Variants in SAMD12 observed in about 807,000 individuals in gnomAD.
SAMD12 encodes sterile alpha motif domain containing 12, also known as sterile alpha motif domain-containing protein 12.
In SAMD12, 9 loss-of-function variants were observed where a neutral mutation model predicts 15.0. The observed-to-expected ratio is 0.60, with a 90% CI of 0.36 to 1.05. The LOEUF is 1.05. Ranked by LOEUF, SAMD12 falls within the 50% of genes least tolerant of loss-of-function variation. SAMD12 has a pLI of 0.01. For synonymous variants in SAMD12, 86 were observed against 90.1 expected (o/e 0.96, Z 0.25); for missense variants, 230 against 234.2 (o/e 0.98, Z 0.12).
At chr8:118,460,554 G>A (rs897087730) in intron 2 of SAMD12, among the ~76,000 whole-genome samples, 1 of 152,176 alleles carries the variant, frequency 6.6e-6, no homozygotes, top group African/African-American at 2.4e-5. Context: ...ATGCAGACAT[G>A]GAATCAGGGA....
At chr8:118,573,517 T>C (rs1827075699) in intron 2 of SAMD12, among the ~76,000 whole-genome samples, 1 of 152,246 alleles carries the variant, frequency 6.6e-6, no homozygotes, top group Non-Finnish European at 1.5e-5. Context: ...TCTTTCACAA[T>C]GAATCTAAGT....
In SAMD12 at chr8:118,286,417, A is replaced by G. The variant is rs1228762356; in HGVS notation, c.434-88685T>C. On this transcript the variant is annotated intron_variant, in intron 4 of 4. Coordinates refer to the SAMD12 transcript ENST00000409003. ...TGTTGGGTCTTGTTCATCTCTGAGCATGGTTTGTTTCCTGTTTCTCAGCAA... is the reference window on the plus strand; with the variant it reads ...TGTTGGGTCTTGTTCATCTCTGAGCGTGGTTTGTTTCCTGTTTCTCAGCAA... Among the ~76,000 whole-genome samples, 4 of 152,034 alleles carry G rather than the reference A, an allele frequency of 2.6e-5. No individual in the cohort carries two copies. The East Asian group carries it at 7.7e-4, about 29-fold the overall frequency.
At chr8:118,507,130 C>T (rs1355188559) in intron 2 of SAMD12, among the ~76,000 whole-genome samples, 3 of 152,032 alleles carry the variant, frequency 2.0e-5, no homozygotes, top group Non-Finnish European at 1.5e-5. Flanking sequence ...ATGAATTCTA[C>T]AACGCAGTCA....
intron 3 of SAMD12, among the ~76,000 whole-genome samples, chr8:118,437,649 C>G (rs896540217): frequency 1.3e-5 from 2 of 152,106 alleles, no homozygotes; most frequent in African/African-American, 4.8e-5. Context: ...TGCCCAAGAT[C>G]CCAAGAAAGT....
chr8:118,161,338 C>A, the SAMD12 span, among the ~76,000 whole-genome samples: 1 of 152,056 alleles, frequency 6.6e-6, no homozygotes, highest in African/African-American at 2.4e-5. Flanking sequence ...AATCCCAGCA[C>A]TTTGGGAGGC....
chr8:118,197,533 G>C (rs1379163202), exon 5 of SAMD12: 2 of 680,678 alleles, frequency 2.9e-6, no homozygotes, highest in African/African-American at 3.6e-5. Flanking sequence ...CCACAGCAAA[G>C]CAAGATTTTT....
intron 3 of SAMD12, among the ~76,000 whole-genome samples, chr8:118,391,857 T>G (rs74411719): frequency 0.015 from 2,339 of 151,930 alleles, 53 homozygotes; most frequent in African/African-American, 0.051. Context: ...CAGCAGGTAT[T>G]AAACAGCTAC....
chr8:118,475,301 C>T (rs903001094), intron 2 of SAMD12, among the ~76,000 whole-genome samples: 4 of 152,156 alleles, frequency 2.6e-5, no homozygotes, highest in Admixed American at 1.3e-4. Flanking sequence ...TGCTGTCTCT[C>T]TCACGATGTG....
intron 4 of SAMD12, among the ~76,000 whole-genome samples, chr8:118,367,868 T>C (rs773541075): frequency 9.2e-5 from 14 of 152,302 alleles, no homozygotes; most frequent in Admixed American, 4.6e-4. Flanking sequence ...TTTTCTACCA[T>C]GAACAATGTA....
At chr8:118,205,983 C>T (rs912595595) in intron 4 of SAMD12, among the ~76,000 whole-genome samples, 2 of 152,204 alleles carry the variant, frequency 1.3e-5, no homozygotes, top group African/African-American at 2.4e-5. Flanking sequence ...TAGTCTACTA[C>T]ACTGTGAGCC....
intron 4 of SAMD12, among the ~76,000 whole-genome samples, chr8:118,312,682 A>G (rs1029356657): frequency 6.6e-6 from 1 of 152,162 alleles, no homozygotes; most frequent in African/African-American, 2.4e-5. Flanking sequence ...GGCTCTCTGT[A>G]TTTTTAATGT....
intron 3 of SAMD12, among the ~76,000 whole-genome samples, chr8:118,386,106 T>C (rs1819941560): frequency 6.6e-6 from 1 of 152,216 alleles, no homozygotes; most frequent in African/African-American, 2.4e-5. Flanking sequence ...ATTCATTTCC[T>C]ATGGTTGCCA....
At chr8:118,241,298 C>T (rs946544087) in intron 4 of SAMD12, among the ~76,000 whole-genome samples, 1 of 152,038 alleles carries the variant, frequency 6.6e-6, no homozygotes, top group Non-Finnish European at 1.5e-5. Flanking sequence ...AAATGGCTTA[C>T]CTTGAAAACC....
At chr8:118,235,230 T>C (rs946409726) in intron 4 of SAMD12, among the ~76,000 whole-genome samples, 2 of 151,214 alleles carry the variant, frequency 1.3e-5, no homozygotes, top group African/African-American at 4.9e-5. Flanking sequence ...TTTTTTTTTT[T>C]AGACGGAGTC....
chr8:118,396,686 CT>C (rs1820587162), intron 3 of SAMD12, among the ~76,000 whole-genome samples: 1 of 152,196 alleles, frequency 6.6e-6, no homozygotes, highest in African/African-American at 2.4e-5. Flanking sequence ...AAGAACCATG[CT>C]ACTTCTACTT....
chr8:118,309,812 T>C (rs1386447802), intron 4 of SAMD12, among the ~76,000 whole-genome samples: 7 of 152,312 alleles, frequency 4.6e-5, no homozygotes, highest in African/African-American at 1.4e-4. Flanking sequence ...TCCCATATTT[T>C]CTGTCTTGTG....
At chr8:118,458,512 G>A (rs566373374) in intron 2 of SAMD12, among the ~76,000 whole-genome samples, 5 of 152,262 alleles carry the variant, frequency 3.3e-5, no homozygotes, top group African/African-American at 1.2e-4. Context: ...TTGATATACA[G>A]ATCAGAGAGA....
At chr8:118,538,466 C>G (rs1825907002) in intron 2 of SAMD12, among the ~76,000 whole-genome samples, 1 of 152,180 alleles carries the variant, frequency 6.6e-6, no homozygotes, top group Admixed American at 6.5e-5. Context: ...TCCATTAGGG[C>G]TGGTTTAAAT....
chr8:118,483,557 A>T (rs1824189705), intron 2 of SAMD12, among the ~76,000 whole-genome samples: 2 of 152,198 alleles, frequency 1.3e-5, no homozygotes, highest in African/African-American at 4.8e-5. Context: ...GTAAGTAGTC[A>T]ACTTTGATTT....
Sources: gnomAD v4.1 joint callset for allele counts (sites outside exome capture counted in the v4.1 genomes callset) on GRCh38, gnomAD v4.1.1 for gene constraint, MANE v1.5 for transcripts, NCBI Gene and HGNC (gene_info 2026-07-23, HGNC 2026-07-21) for gene names.